The following MYL9 variants were observed in gnomAD, a reference collection of about 807,000 sequenced individuals.
MYL9 encodes myosin regulatory light polypeptide 9.
Under a neutral mutation model 12.8 loss-of-function variants are expected in MYL9, and 7 were observed. The observed-to-expected ratio is 0.55, with a 90% CI of 0.31 to 1.03. The LOEUF is 1.03. Among genes scored for constraint, MYL9 ranks in the 50% least tolerant of loss-of-function variants. The probability of loss-of-function intolerance (pLI) is 0.05; values close to 1 mark genes in which losing one functional copy is unlikely to be tolerated. For missense variants in MYL9, 190 were observed against 242.7 expected, an observed-to-expected ratio of 0.78 and a Z score of 1.44; for synonymous variants, 81 against 87.8, an observed-to-expected ratio of 0.92 and a Z score of 0.43.
At chr20:36,549,010 G>A (rs2038137504) in intron 3 of MYL9, 67 bp from the exon 4 acceptor site, 2 of 1,500,896 alleles carry the variant, frequency 1.3e-6, no homozygotes, top group Admixed American at 3.8e-5. Flanking sequence ...AGGGGGCTGA[G>A]GGATGGGGCT....
At chr20:36,545,933 A>G (rs993005885) in intron 2 of MYL9, among the ~76,000 whole-genome samples, 2 of 152,210 alleles carry the variant, frequency 1.3e-5, no homozygotes, top group African/African-American at 4.8e-5. Flanking sequence ...ACAGAAAGAA[A>G]GGAAAGAAAG....
Sources: gnomAD v4.1 joint callset for allele counts (sites outside exome capture counted in the v4.1 genomes callset) on GRCh38, gnomAD v4.1.1 for gene constraint, MANE v1.5 for transcripts, NCBI Gene and HGNC (gene_info 2026-07-23, HGNC 2026-07-21) for gene names.